CNOT6: variants seen among roughly 807,000 people sequenced by gnomAD.
The protein encoded by CNOT6 is CCR4-NOT transcription complex subunit 6.
CNOT6 carries 12 observed loss-of-function variants against 61.2 expected under a neutral mutation model. That is an observed-to-expected ratio of 0.20 (90% CI 0.13 to 0.32). CNOT6 has a LOEUF of 0.32. Ranked by LOEUF, CNOT6 falls within the 10% of genes least tolerant of loss-of-function variation. The pLI, the probability that CNOT6 is intolerant of heterozygous loss-of-function variation, is 1.00. For synonymous variants in CNOT6, 225 were observed against 240.6 expected (o/e 0.94, Z 0.60); for missense variants, 405 against 663.9 (o/e 0.61, Z 4.28).
At chr5:180,503,797 G>A (rs1757002423) in intron 1 of CNOT6, among the ~76,000 whole-genome samples, 1 of 151,560 alleles carries the variant, frequency 6.6e-6, no homozygotes, top group African/African-American at 2.4e-5. Flanking sequence ...GTAGAGACAG[G>A]GTTTCACCAT....
Position 180,549,947 on chromosome 5 carries a change from A to G in CNOT6, c.129A>G (p.Leu43=), listed in dbSNP as rs1759512386. 6.2e-7 allele frequency: 1 copy of G among 1,611,660 alleles called. No homozygotes were observed. Among genetic ancestry groups the G allele is most frequent in the African/African-American group, 1.3e-5 (1 of 74,888 alleles). Residue 43 remains leucine (L), a synonymous_variant, in exon 3 of 12, where the codon TTA becomes TTG. Coordinates refer to ENST00000261951, the MANE Select transcript of CNOT6 (RefSeq NM_001370472.1). ...CTCTTACAGGAAAAGTAAGAAGCTT[A>G]AGCGCATCTTTGTGGTCACTAACTC... ...ELEISGKVRS[L]SASLWSLTHL...
chr5:180,558,488 C>T (rs999443763), intron 4 of CNOT6, among the ~76,000 whole-genome samples: 4 of 150,100 alleles, frequency 2.7e-5, no homozygotes, highest in Non-Finnish European at 5.9e-5. Context: ...GGAAGGCGCG[C>T]CCTCCTTCGG....
chr5:180,515,493 G>A (rs766436769), intron 1 of CNOT6, among the ~76,000 whole-genome samples: 17 of 152,312 alleles, frequency 1.1e-4, no homozygotes, highest in Non-Finnish European at 2.2e-4. Context: ...TTGAGGTTTG[G>A]ACTTTAGGCA....
intron 2 of CNOT6, among the ~76,000 whole-genome samples, chr5:180,533,997 A>T (rs939596603): frequency 1.1e-4 from 17 of 152,186 alleles, no homozygotes; most frequent in Non-Finnish European, 1.3e-4. Context: ...AAGCATACCC[A>T]TAAAGGTGGC....
chr5:180,532,132 A>T (rs1263003664), intron 2 of CNOT6, among the ~76,000 whole-genome samples: 2 of 152,232 alleles, frequency 1.3e-5, no homozygotes. Flanking sequence ...AGGGGAGCCC[A>T]AAGAGAAATA....
chr5:180,501,468 G>T (rs1756865665), intron 1 of CNOT6, among the ~76,000 whole-genome samples: 1 of 152,200 alleles, frequency 6.6e-6, no homozygotes, highest in Non-Finnish European at 1.5e-5. Context: ...TACTTAGGTG[G>T]ATATGTCTAA....
At chr5:180,497,991 C>T (rs746816543) in intron 1 of CNOT6, among the ~76,000 whole-genome samples, 1 of 149,676 alleles carries the variant, frequency 6.7e-6, no homozygotes, top group African/African-American at 2.5e-5. Flanking sequence ...TGCAGTGAGC[C>T]GAGAGCACGC....
intron 7 of CNOT6, among the ~76,000 whole-genome samples, 161 bp downstream of exon 7, chr5:180,566,138 A>G (rs1260387728): frequency 3.3e-5 from 5 of 152,214 alleles, no homozygotes; most frequent in Admixed American, 2.0e-4. Context: ...TTTGCTTTGC[A>G]GTGCTATGTT....
intron 2 of CNOT6, among the ~76,000 whole-genome samples, chr5:180,543,172 C>T (rs986570409): frequency 6.6e-6 from 1 of 152,128 alleles, no homozygotes; most frequent in Non-Finnish European, 1.5e-5. Context: ...CATTCTCCTG[C>T]CTCAGCCTCC....
rs201594351 is a variant in CNOT6 at position 180,565,963 on chromosome 5, A to G, written c.703A>G (p.Ile235Val). 30 of 1,613,050 alleles carry G rather than the reference A, an allele frequency of 1.9e-5. No individual in the cohort carries two copies. Among genetic ancestry groups the G allele is most frequent in the East Asian group, 2.2e-5 (1 of 44,880 alleles). Residue 235 changes from isoleucine (I) to valine (V), a missense_variant, in exon 7 of 12, where the codon ATC (isoleucine) becomes GTC (valine). Ile to Val is a conservative substitution (Grantham distance 29). Around this residue, in one of 5 missense-constraint regions of CNOT6, gnomAD observed 212 missense variants for 307.1 expected, o/e 0.69. Coordinates refer to ENST00000261951, the MANE Select transcript of CNOT6 (RefSeq NM_001370472.1). ...AGAAATCTTGAGCTGCAATGCTGAT[A>G]TCGTAAGTCTTCAGGTAAGTCAGAC... is the stretch of plus-strand genomic sequence containing the variant. ...IQEILSCNAD[I>V]VSLQEVETEQ...
intron 11 of CNOT6, among the ~76,000 whole-genome samples, chr5:180,573,008 C>T (rs927306506): frequency 6.6e-6 from 1 of 152,210 alleles, no homozygotes; most frequent in Non-Finnish European, 1.5e-5. Flanking sequence ...GGAGCCTTTG[C>T]ACCTTAGAGC....
intron 1 of CNOT6, among the ~76,000 whole-genome samples, chr5:180,517,562 T>A (rs865991208): frequency 7.9e-5 from 12 of 152,306 alleles, no homozygotes; most frequent in African/African-American, 2.4e-4. Flanking sequence ...TTCTTCTTTT[T>A]TTGAGACAGT....
intron 1 of CNOT6, among the ~76,000 whole-genome samples, chr5:180,501,433 TGTTAA>T (rs1217100330): frequency 6.6e-6 from 1 of 152,208 alleles, no homozygotes; most frequent in Admixed American, 6.5e-5. Context: ...TTTTTGATCC[TGTTAA>T]GTTTGACATA....
rs1760947817 is a variant in CNOT6 at position 180,575,115 on chromosome 5, C to T, written c.*915C>T. On this transcript the variant is annotated 3_prime_UTR_variant, in exon 12 of 12. Coordinates refer to ENST00000261951, the MANE Select transcript of CNOT6 (RefSeq NM_001370472.1). ...TCCAGCTTCTTAACTCTTTTTGAGA[C>T]ACTTCCTGTCCTATCTCCACTGTGC... The T allele has an allele frequency of 2.0e-5, 3 of 152,736 alleles. No individual in the cohort carries two copies. The highest frequency in any genetic ancestry group is 3.9e-4 in the East Asian group (2 of 5,192). 9.5% of individuals were successfully genotyped at this position (152,736 alleles called of 1,614,324 possible).
intron 2 of CNOT6, among the ~76,000 whole-genome samples, chr5:180,545,262 C>T (rs1210332759): frequency 6.6e-6 from 1 of 152,198 alleles, no homozygotes; most frequent in Non-Finnish European, 1.5e-5. Flanking sequence ...CAAGAATGAT[C>T]ATATTCATCG....
chr5:180,557,710 C>T (rs1759968883), intron 4 of CNOT6, among the ~76,000 whole-genome samples: 1 of 152,090 alleles, frequency 6.6e-6, no homozygotes, highest in Non-Finnish European at 1.5e-5. Flanking sequence ...TAATGAAGCC[C>T]AGTTTATCAG....
At chr5:180,542,777 G>C (rs897612968) in intron 2 of CNOT6, among the ~76,000 whole-genome samples, 1 of 152,110 alleles carries the variant, frequency 6.6e-6, no homozygotes, top group African/African-American at 2.4e-5. Flanking sequence ...CTTAACATAG[G>C]TCAGGATAAT....
At chr5:180,539,554 T>G (rs1758915621) in intron 2 of CNOT6, among the ~76,000 whole-genome samples, 5 of 6,592 alleles carry the variant, frequency 7.6e-4, no homozygotes, top group South Asian at 0.01. Context: ...TTCTGTTCTT[T>G]TTTTTTTTTT....
chr5:180,502,010 A>T (rs1307348374), intron 1 of CNOT6, among the ~76,000 whole-genome samples: 2 of 152,180 alleles, frequency 1.3e-5, no homozygotes, highest in Non-Finnish European at 2.9e-5. Context: ...GTTAAGATGA[A>T]GAAGGTTATA....
Sources: allele counts gnomAD v4.1 joint callset (sites outside exome capture counted in the v4.1 genomes callset), GRCh38; gene constraint gnomAD v4.1.1; regional missense constraint gnomAD v4.1.1; transcripts MANE v1.5; gene names NCBI Gene and HGNC (gene_info 2026-07-23, HGNC 2026-07-21).